Variants in MAGI2 observed in about 807,000 individuals in gnomAD.
MAGI2 encodes membrane-associated guanylate kinase, WW and PDZ domain-containing protein 2.
A neutral mutation model predicts 133.3 loss-of-function variants in MAGI2; 35 were observed. That is an observed-to-expected ratio of 0.26 (90% CI 0.20 to 0.35). The LOEUF (loss-of-function observed/expected upper bound fraction) is 0.35. Among genes scored for constraint, MAGI2 ranks in the 10% least tolerant of loss-of-function variants. The pLI is 1.00. For synonymous variants in MAGI2, 729 were observed against 710.6 expected (o/e 1.03, Z -0.41); for missense variants, 1,636 against 1,863.4 (o/e 0.88, Z 2.25).
In MAGI2 at chr7:79,025,365, A is replaced by G. The variant is rs143612017; in HGVS notation, c.302-18159T>C. 1.4e-3 allele frequency among the ~76,000 whole-genome samples: 219 copies of G among 152,292 alleles called. 1 individual carries two copies. Among genetic ancestry groups the G allele is most frequent in the African/African-American group, 4.9e-3 (202 of 41,570 alleles). On this transcript the variant is annotated intron_variant, in intron 1 of 21. Transcript: ENST00000354212. ...GGCCTACTTGAGGGTAGAGGTTGGG[A>G]AAAGGATGAAGATCAAAAAACTACT...
intron 2 of MAGI2, among the ~76,000 whole-genome samples, chr7:78,798,405 A>C (rs1787788877): frequency 6.6e-6 from 1 of 152,198 alleles, no homozygotes; most frequent in Admixed American, 6.6e-5. Context: ...AGCCAAACAG[A>C]AAATGAAATG....
At chr7:78,511,858 G>C (rs1298490896) in intron 4 of MAGI2, among the ~76,000 whole-genome samples, 1 of 151,598 alleles carries the variant, frequency 6.6e-6, no homozygotes, top group Admixed American at 6.6e-5. Context: ...CACTTTGGGA[G>C]GCCGAGGTGG....
At chr7:78,144,920 C>T (rs1327349033) in intron 16 of MAGI2, among the ~76,000 whole-genome samples, 2 of 151,942 alleles carry the variant, frequency 1.3e-5, no homozygotes, top group Admixed American at 1.3e-4. Flanking sequence ...TGTGTTGTTC[C>T]CCTCCCTGTG....
intron 1 of MAGI2, among the ~76,000 whole-genome samples, chr7:79,270,001 C>G (rs1042841345): frequency 2.0e-5 from 3 of 152,130 alleles, no homozygotes; most frequent in Non-Finnish European, 4.4e-5. Context: ...AAAAACATCA[C>G]TTCTGTAAAA....
chr7:78,609,257 G>C (rs1563237803), intron 3 of MAGI2, among the ~76,000 whole-genome samples: 1 of 152,062 alleles, frequency 6.6e-6, no homozygotes, highest in Non-Finnish European at 1.5e-5. Context: ...GTGCAATCAA[G>C]TTAACCATCA....
At chr7:78,299,138 A>AGTT (rs1246263610) in intron 9 of MAGI2, among the ~76,000 whole-genome samples, 6 of 152,154 alleles carry the variant, frequency 3.9e-5, no homozygotes, top group Non-Finnish European at 8.8e-5. Flanking sequence ...TAAAATAAAA[A>AGTT]GTTAATTTTT....
intron 9 of MAGI2, among the ~76,000 whole-genome samples, chr7:78,275,008 T>C (rs1259531784): frequency 6.6e-6 from 1 of 151,424 alleles, no homozygotes; most frequent in African/African-American, 2.4e-5. Context: ...AAAAAACTCC[T>C]GCAGCTAGTT....
chr7:79,193,711 C>A (rs906301478), intron 1 of MAGI2, among the ~76,000 whole-genome samples: 2 of 151,752 alleles, frequency 1.3e-5, no homozygotes, highest in Non-Finnish European at 2.9e-5. Flanking sequence ...AATTCATTAC[C>A]TTTAATAGTA....
chr7:78,170,337 A>T (rs1415324169), intron 14 of MAGI2: 1 of 152,214 alleles, frequency 6.6e-6, no homozygotes, highest in African/African-American at 2.4e-5. Context: ...ACATTTACAG[A>T]TACTCTCAAC....
intron 9 of MAGI2, among the ~76,000 whole-genome samples, chr7:78,313,736 A>G (rs975009373): frequency 2.6e-5 from 4 of 152,078 alleles, no homozygotes; most frequent in East Asian, 1.9e-4. Flanking sequence ...TCTTAAAACT[A>G]TATCTGCTAA....
At chr7:78,451,441 T>C (rs1788711821) in intron 6 of MAGI2, among the ~76,000 whole-genome samples, 1 of 152,128 alleles carries the variant, frequency 6.6e-6, no homozygotes, top group African/African-American at 2.4e-5. Flanking sequence ...TAGTTCTTGA[T>C]GGGGAGATTG....
intron 7 of MAGI2, among the ~76,000 whole-genome samples, chr7:78,353,532 A>G (rs772903583): frequency 2.6e-5 from 4 of 152,192 alleles, no homozygotes. Context: ...CTCATTCTAG[A>G]AGTGGTCAGG....
chr7:78,246,697 C>T (rs973017612), intron 10 of MAGI2, among the ~76,000 whole-genome samples: 3 of 152,198 alleles, frequency 2.0e-5, no homozygotes, highest in Non-Finnish European at 4.4e-5. Context: ...TCCACCACCT[C>T]AGGGTCCAAA....
chr7:78,997,785 C>A (rs1183428714), intron 2 of MAGI2, among the ~76,000 whole-genome samples: 1 of 152,062 alleles, frequency 6.6e-6, no homozygotes, highest in Admixed American at 6.6e-5. Flanking sequence ...CTCCCTTTAG[C>A]TATATCTATT....
chr7:78,707,885 A>G (rs1375070635), intron 2 of MAGI2, among the ~76,000 whole-genome samples: 1 of 152,130 alleles, frequency 6.6e-6, no homozygotes, highest in Admixed American at 6.6e-5. Context: ...ATACTTCTAA[A>G]ATAGTAAAAT....
chr7:78,448,252 T>A (rs1788356309), intron 6 of MAGI2, among the ~76,000 whole-genome samples: 1 of 152,100 alleles, frequency 6.6e-6, no homozygotes, highest in Admixed American at 6.6e-5. Flanking sequence ...ATGCAAAGTT[T>A]TTTTGACAAG....
chr7:78,644,754 A>C (rs930667849), intron 2 of MAGI2, among the ~76,000 whole-genome samples: 2 of 152,152 alleles, frequency 1.3e-5, no homozygotes, highest in African/African-American at 4.8e-5. Flanking sequence ...TATTAAACTC[A>C]AGTTAGGAAG....
At chr7:78,504,749 A>G (rs1338501384) in intron 4 of MAGI2, among the ~76,000 whole-genome samples, 1 of 152,148 alleles carries the variant, frequency 6.6e-6, no homozygotes, top group East Asian at 1.9e-4. Context: ...TATTGTTTGT[A>G]GTAGTAAAAC....
At chr7:79,042,470 T>C (rs184636902) in intron 1 of MAGI2, among the ~76,000 whole-genome samples, 16 of 152,326 alleles carry the variant, frequency 1.1e-4, no homozygotes, top group African/African-American at 3.6e-4. Context: ...TGGGTCTTGC[T>C]TCTTTATCCA....
Sources: gnomAD v4.1 joint callset for allele counts (sites outside exome capture counted in the v4.1 genomes callset) on GRCh38, gnomAD v4.1.1 for gene constraint, MANE v1.5 for transcripts, NCBI Gene and HGNC (gene_info 2026-07-23, HGNC 2026-07-21) for gene names.